Variants in DNAJC1 observed in about 807,000 individuals in gnomAD.
DNAJC1 encodes the protein dnaJ homolog subfamily C member 1.
A neutral mutation model predicts 76.6 loss-of-function variants in DNAJC1; 58 were observed. The observed-to-expected ratio is 0.76, with a 90% CI of 0.61 to 0.94. The LOEUF is 0.94. DNAJC1 is among the 40% of genes least tolerant of loss of function. DNAJC1 has a pLI of 0.00. For missense variants in DNAJC1, 689 were observed against 677.3 expected (o/e 1.02, Z -0.19); for synonymous variants, 258 against 267.9 (o/e 0.96, Z 0.36).
At chr10:21,919,356 T>C (rs1310058565) in intron 5 of DNAJC1, among the ~76,000 whole-genome samples, 1 of 152,024 alleles carries the variant, frequency 6.6e-6, no homozygotes, top group East Asian at 1.9e-4. Context: ...GTCATCAGAA[T>C]AGATGACAGG....
chr10:21,909,506 C>T (rs1337271391), intron 6 of DNAJC1, among the ~76,000 whole-genome samples: 1 of 152,126 alleles, frequency 6.6e-6, no homozygotes, highest in African/African-American at 2.4e-5. Flanking sequence ...TCTGTGAGAA[C>T]AGGAATTGTT....
At chr10:21,793,743 C>G (rs1380748619) in intron 9 of DNAJC1, among the ~76,000 whole-genome samples, 1 of 151,736 alleles carries the variant, frequency 6.6e-6, no homozygotes, top group Non-Finnish European at 1.5e-5. Flanking sequence ...CTCAGGAATT[C>G]AAGACCAGCC....
At chr10:21,789,252 A>G (rs1195953923) in intron 9 of DNAJC1, among the ~76,000 whole-genome samples, 1 of 152,252 alleles carries the variant, frequency 6.6e-6, no homozygotes, top group Non-Finnish European at 1.5e-5. Flanking sequence ...TGAGGCAGTC[A>G]CATTTATTAC....
chr10:21,809,375 TTAA>T (rs1439879756), intron 8 of DNAJC1, among the ~76,000 whole-genome samples: 2 of 151,874 alleles, frequency 1.3e-5, no homozygotes, highest in African/African-American at 2.4e-5. Context: ...AAATGACCTA[TTAA>T]TAATAATTAT....
At chr10:21,757,954 G>T (rs977678438) in intron 11 of DNAJC1, among the ~76,000 whole-genome samples, 1 of 152,194 alleles carries the variant, frequency 6.6e-6, no homozygotes, top group African/African-American at 2.4e-5. Flanking sequence ...AGCCAGTGTG[G>T]ACTCATCACA....
At chr10:21,847,913 A>G (rs1035343923) in intron 8 of DNAJC1, among the ~76,000 whole-genome samples, 1 of 152,148 alleles carries the variant, frequency 6.6e-6, no homozygotes, top group Non-Finnish European at 1.5e-5. Context: ...TAGTGGTGCA[A>G]CAAAAATGGG....
chr10:21,963,738 A>G (rs1297738800), intron 1 of DNAJC1, among the ~76,000 whole-genome samples: 1 of 151,880 alleles, frequency 6.6e-6, no homozygotes, highest in Non-Finnish European at 1.5e-5. Flanking sequence ...TTATTTTTTC[A>G]TTGGCTCAAT....
intron 8 of DNAJC1, among the ~76,000 whole-genome samples, chr10:21,861,796 A>T (rs956913109): frequency 2.0e-5 from 3 of 152,150 alleles, no homozygotes; most frequent in Non-Finnish European, 2.9e-5. Context: ...GGCATGAATA[A>T]TCCACCCCTT....
At chr10:21,903,709 A>G (rs1836697364) in intron 7 of DNAJC1, among the ~76,000 whole-genome samples, 1 of 152,172 alleles carries the variant, frequency 6.6e-6, no homozygotes. Context: ...AGACTGAAAA[A>G]TGACCCCCTA....
chr10:21,985,106 T>A (rs886211488), intron 1 of DNAJC1, among the ~76,000 whole-genome samples: 6 of 152,166 alleles, frequency 3.9e-5, no homozygotes, highest in African/African-American at 9.7e-5. Flanking sequence ...CCACCCATTA[T>A]AAGAGTATAA....
chr10:21,795,334 C>G (rs959239157), intron 9 of DNAJC1, among the ~76,000 whole-genome samples: 4 of 152,152 alleles, frequency 2.6e-5, no homozygotes, highest in Admixed American at 6.5e-5. Flanking sequence ...CTGATACATG[C>G]TACAACACGG....
At chr10:21,863,978 G>A (rs542505524) in intron 8 of DNAJC1, among the ~76,000 whole-genome samples, 1 of 152,218 alleles carries the variant, frequency 6.6e-6, no homozygotes, top group African/African-American at 2.4e-5. Context: ...CAAGGCGGGT[G>A]GATCACTTGA....
intron 1 of DNAJC1, among the ~76,000 whole-genome samples, chr10:21,966,434 A>T (rs1235743641): frequency 6.8e-6 from 1 of 147,652 alleles, no homozygotes; most frequent in Non-Finnish European, 1.5e-5. Context: ...TCTAGTGGTG[A>T]TTTTTTTTTT....
At chr10:21,763,371 ATGC>A (rs1834262054) in intron 10 of DNAJC1, among the ~76,000 whole-genome samples, 1 of 152,244 alleles carries the variant, frequency 6.6e-6, no homozygotes, top group South Asian at 2.1e-4. Flanking sequence ...TTCAGCGAGT[ATGC>A]TGCTATTAAC....
chr10:21,905,359 G>A (rs897278460), intron 6 of DNAJC1, among the ~76,000 whole-genome samples: 1 of 151,592 alleles, frequency 6.6e-6, no homozygotes, highest in Non-Finnish European at 1.5e-5. Context: ...AAGCAAAACA[G>A]ATCTTTTACC....
intron 1 of DNAJC1, among the ~76,000 whole-genome samples, chr10:22,000,969 T>G (rs917604556): frequency 6.6e-6 from 1 of 152,202 alleles, no homozygotes; most frequent in African/African-American, 2.4e-5. Flanking sequence ...AACACAACAA[T>G]TACCCACATG....
rs921544311 is a variant in DNAJC1 at position 21,929,079 on chromosome 10, G to A, written c.285C>T (p.Asp95=). ...YRKLSLTLHP[D]KNKDENAETQ... Reference sequence around the variant, plus strand: ...TTTCTGCATTTTCATCTTTATTCTTGTCTGGATGTAAAGTTAGTGAAAGCT... The same window carrying A: ...TTTCTGCATTTTCATCTTTATTCTTATCTGGATGTAAAGTTAGTGAAAGCT... The change falls in exon 2 of 12, where the codon GAC becomes GAT. Residue 95 remains aspartate, a synonymous_variant. Transcript: ENST00000376980. The A allele has an allele frequency of 2.5e-6, 4 of 1,608,524 alleles. No individual in the cohort carries two copies. The highest frequency in any genetic ancestry group is 2.7e-5 in the African/African-American group (2 of 74,480).
Position 21,999,799 on chromosome 10 carries a change from ATCTCT to A in DNAJC1, c.222+3409_222+3413del, listed in dbSNP as rs370100198. Among the ~76,000 whole-genome samples, 302 of 151,994 alleles carry A rather than the reference ATCTCT, an allele frequency of 2.0e-3. 1 individual carries two copies. Among genetic ancestry groups the A allele is most frequent in the African/African-American group, 6.9e-3 (285 of 41,428 alleles). On this transcript the variant is annotated intron_variant, in intron 1 of 11. Transcript: ENST00000376980. ...ATCCCCAAGGCTTATTAGCTCCCAGATCTCTTCTCTTCTCTTTTACGTTCACTCCC... is the reference window on the plus strand; with the variant it reads ...ATCCCCAAGGCTTATTAGCTCCCAGATCTCTTCTCTTTTACGTTCACTCCC...
At chr10:21,992,044 C>A (rs1055470437) in intron 1 of DNAJC1, among the ~76,000 whole-genome samples, 4 of 152,208 alleles carry the variant, frequency 2.6e-5, no homozygotes, top group African/African-American at 9.6e-5. Context: ...GACATGGTGG[C>A]TCACGCCTGT....
Sources: allele counts gnomAD v4.1 joint callset (sites outside exome capture counted in the v4.1 genomes callset), GRCh38; gene constraint gnomAD v4.1.1; transcripts MANE v1.5; gene names NCBI Gene and HGNC (gene_info 2026-07-23, HGNC 2026-07-21).